CFAP54: variants seen among roughly 807,000 people sequenced by gnomAD.
The protein encoded by CFAP54 is cilia and flagella associated protein 54.
In CFAP54, 290 loss-of-function variants were observed where a neutral mutation model predicts 370.4. The observed-to-expected ratio is 0.78, with a 90% CI of 0.71 to 0.86. The LOEUF (loss-of-function observed/expected upper bound fraction) is 0.86, where lower values mean the gene tolerates loss of function less well. Among genes scored for constraint, CFAP54 ranks in the 40% least tolerant of loss-of-function variants. The probability of loss-of-function intolerance (pLI) is 0.00; values close to 1 mark genes in which losing one functional copy is unlikely to be tolerated. For missense variants in CFAP54, 3,399 were observed against 3,528.7 expected, an observed-to-expected ratio of 0.96 and a Z score of 0.93; for synonymous variants, 1,206 against 1,236.5, an observed-to-expected ratio of 0.98 and a Z score of 0.52.
chr12:96,845,290 A>G (rs1208558128), intron 66 of CFAP54, among the ~76,000 whole-genome samples: 1 of 152,222 alleles, frequency 6.6e-6, no homozygotes, highest in Non-Finnish European at 1.5e-5. Flanking sequence ...GCATGTAGCC[A>G]TATTGCTATT....
chr12:96,704,102 T>A (rs1957519634), intron 46 of CFAP54, among the ~76,000 whole-genome samples: 1 of 152,036 alleles, frequency 6.6e-6, no homozygotes, highest in Non-Finnish European at 1.5e-5. Context: ...TAATGTTTAG[T>A]GAACATGGAA....
Position 96,792,485 on chromosome 12 carries a change from G to T in CFAP54, c.8836G>T (p.Glu2946Ter). ...TCCTCCCCTGGATAGACCTCCCAAG[G>T]AGACAGAACCTATGGTATGTAATGT... Reference protein sequence around the residue: ...YIPPLDRPPKETEPMVLLLYA... With the variant: ...YIPPLDRPPK The change falls in exon 63 of 68, where the codon GAG becomes TAG. Residue 2946 changes from glutamate (E) to a stop codon, truncating the protein, a stop_gained. Coordinates refer to ENST00000524981, the MANE Select transcript of CFAP54 (RefSeq NM_001306084.2). LOFTEE classifies it high-confidence loss of function. The T allele has an allele frequency of 6.5e-7, 1 of 1,534,602 alleles. No individual in the cohort carries two copies. The highest frequency in any genetic ancestry group is 1.2e-5 in the South Asian group (1 of 83,852).
At chr12:96,796,071 G>A (rs571768486) in intron 63 of CFAP54, among the ~76,000 whole-genome samples, 1 of 152,184 alleles carries the variant, frequency 6.6e-6, no homozygotes, top group Non-Finnish European at 1.5e-5. Context: ...AGATTCCCCA[G>A]TGAGGATGTT....
chr12:96,659,238 ATTCTC>A (rs1217233201), intron 38 of CFAP54, among the ~76,000 whole-genome samples: 1 of 152,102 alleles, frequency 6.6e-6, no homozygotes, highest in Non-Finnish European at 1.5e-5. Flanking sequence ...GGTTCAAGTG[ATTCTC>A]CTGCCTCAGC....
At chr12:96,745,020 C>T (rs938550369) in intron 55 of CFAP54, among the ~76,000 whole-genome samples, 2 of 152,150 alleles carry the variant, frequency 1.3e-5, no homozygotes, top group African/African-American at 4.8e-5. Flanking sequence ...GACATGATCT[C>T]GTTCCTTTTT....
At chr12:96,740,823 G>T (rs1199821294) in intron 51 of CFAP54, among the ~76,000 whole-genome samples, 1 of 152,134 alleles carries the variant, frequency 6.6e-6, no homozygotes, top group Non-Finnish European at 1.5e-5. Flanking sequence ...GCAATGTCTG[G>T]AGATATTTTA....
intron 32 of CFAP54, among the ~76,000 whole-genome samples, chr12:96,642,884 A>G (rs576824429): frequency 6.6e-6 from 1 of 152,190 alleles, no homozygotes; most frequent in Admixed American, 6.5e-5. Context: ...TGATAGGAGG[A>G]AAAGCATTCT....
In CFAP54 at chr12:96,691,167, C is replaced by T. The variant is rs757234138; in HGVS notation, c.6121C>T (p.Arg2041Cys). The T allele has an allele frequency of 1.2e-5, 20 of 1,613,542 alleles. No individual in the cohort carries two copies. Among genetic ancestry groups the T allele is most frequent in the Non-Finnish European group, 1.4e-5 (17 of 1,179,712 alleles). ...RTTLPHPKAE[R>C]CYAQYEITQL... ...AACACTTCCACATCCCAAAGCTGAA[C>T]GTTGCTATGCTCAATATGAAATCAC... is the stretch of plus-strand genomic sequence containing the variant. Residue 2041 changes from arginine (R) to cysteine (C), a missense_variant, in exon 44 of 68, where the codon CGT becomes TGT. Physicochemically the swap from Arg to Cys is radical, Grantham distance 180. This residue lies in a region of CFAP54 where 2,796 missense variants were observed against 2,869.7 expected (regional missense o/e 0.97). Transcript: ENST00000524981.
intron 58 of CFAP54, among the ~76,000 whole-genome samples, chr12:96,761,080 C>A (rs923691257): frequency 1.3e-5 from 2 of 152,156 alleles, no homozygotes; most frequent in Admixed American, 1.3e-4. Context: ...TACATCCTTA[C>A]CAGCAGTATA....
At chr12:96,702,804 G>T (rs754163669) in intron 46 of CFAP54, among the ~76,000 whole-genome samples, 8 of 152,162 alleles carry the variant, frequency 5.3e-5, no homozygotes, top group African/African-American at 1.9e-4. Flanking sequence ...TTATTAAGCT[G>T]CAGGCTAGTT....
chr12:96,850,110 G>A (rs1291285139), intron 66 of CFAP54, among the ~76,000 whole-genome samples: 2 of 151,948 alleles, frequency 1.3e-5, no homozygotes, highest in Admixed American at 6.6e-5. Flanking sequence ...CGGGCACGGT[G>A]GCTCACGCCT....
At chr12:96,554,637 AACT>A in intron 16 of CFAP54, 36 bp from the exon 17 acceptor site, 1 of 1,486,188 alleles carries the variant, frequency 6.7e-7, no homozygotes, top group Non-Finnish European at 9.0e-7. Flanking sequence ...GTGTTTTGAT[AACT>A]ATATTTCTTT....
In CFAP54 at chr12:96,765,169, A is replaced by C. The variant is rs1958388058; in HGVS notation, c.8232A>C (p.Pro2744=). The change falls in exon 60 of 68, where the codon CCA becomes CCC. Residue 2744 remains proline, a synonymous_variant. Transcript: ENST00000524981. The part of the protein sequence containing the change: ...KVNQVALPNI[P]EFAALDLLSS... ...ACCAAGTGGCATTACCAAATATCCC[A>C]GAATTTGCTGCTCTGGATCTTTTGT... 6.5e-7 allele frequency: 1 copy of C among 1,542,732 alleles called. No individual in the cohort carries two copies. The highest frequency in any genetic ancestry group is 1.3e-5 in the African/African-American group (1 of 74,526).
At chr12:96,874,616 T>A (rs1177557328) in intron 67 of CFAP54, among the ~76,000 whole-genome samples, 1 of 13,884 alleles carries the variant, frequency 7.2e-5, no homozygotes, top group Non-Finnish European at 1.2e-4. Flanking sequence ...TCTCTGCTTT[T>A]TTTTATTTTT....
intron 40 of CFAP54, 63 bp from the exon 41 acceptor site, chr12:96,684,585 C>A: frequency 2.1e-6 from 3 of 1,419,804 alleles, no homozygotes; most frequent in East Asian, 2.3e-5. Flanking sequence ...AAAATTCTTG[C>A]AAATATAAAA....
intron 26 of CFAP54, among the ~76,000 whole-genome samples, chr12:96,608,350 C>T (rs1167021316): frequency 6.6e-6 from 1 of 150,706 alleles, no homozygotes; most frequent in Non-Finnish European, 1.5e-5. Flanking sequence ...CACACACATA[C>T]ATATAAAATT....
At chr12:96,800,677 CA>C (rs1958810782) in intron 63 of CFAP54, among the ~76,000 whole-genome samples, 1 of 152,130 alleles carries the variant, frequency 6.6e-6, no homozygotes, top group Non-Finnish European at 1.5e-5. Context: ...AGGATTTTAG[CA>C]TTGAGTTTAA....
chr12:96,523,668 T>G (rs1955344311), intron 8 of CFAP54, among the ~76,000 whole-genome samples: 2 of 150,488 alleles, frequency 1.3e-5, no homozygotes, highest in Non-Finnish European at 3.0e-5. Context: ...GATGCTATAG[T>G]CTTTGTAAAA....
intron 17 of CFAP54, among the ~76,000 whole-genome samples, chr12:96,557,828 CTG>C (rs1459403536): frequency 1.3e-5 from 2 of 151,746 alleles, no homozygotes; most frequent in African/African-American, 2.4e-5. Context: ...ATTGATAAAA[CTG>C]TATATTAAAA....
Sources: allele counts gnomAD v4.1 joint callset (sites outside exome capture counted in the v4.1 genomes callset), GRCh38; gene constraint gnomAD v4.1.1; regional missense constraint gnomAD v4.1.1; transcripts MANE v1.5; gene names NCBI Gene and HGNC (gene_info 2026-07-23, HGNC 2026-07-21).